Variants in SNX2 observed in about 807,000 individuals in gnomAD.
The protein encoded by SNX2 is sorting nexin-2.
Under a neutral mutation model 69.9 loss-of-function variants are expected in SNX2, and 25 were observed. The observed-to-expected ratio is 0.36, with a 90% CI of 0.26 to 0.50. The LOEUF is 0.50. Among genes scored for constraint, SNX2 ranks in the 20% least tolerant of loss-of-function variants. The pLI, the probability that SNX2 is intolerant of heterozygous loss-of-function variation, is 0.97. For missense variants in SNX2, 551 were observed against 613.3 expected (o/e 0.90, Z 1.07); for synonymous variants, 229 against 200.4 (o/e 1.14, Z -1.20).
At chr5:122,790,910 G>A (rs1753218489) in intron 1 of SNX2, among the ~76,000 whole-genome samples, 1 of 152,104 alleles carries the variant, frequency 6.6e-6, no homozygotes, top group Non-Finnish European at 1.5e-5. Flanking sequence ...GAAAAGAAGT[G>A]GTAAAAGGGG....
intron 7 of SNX2, among the ~76,000 whole-genome samples, chr5:122,812,717 T>C (rs1753808040): frequency 6.6e-6 from 1 of 152,238 alleles, no homozygotes; most frequent in East Asian, 1.9e-4. Context: ...GAAAGAATCT[T>C]AGTCCCTTTT....
intron 6 of SNX2, 91 bp downstream of exon 6, chr5:122,803,704 G>A (rs1753565590): frequency 1.0e-6 from 1 of 962,832 alleles, no homozygotes; most frequent in Non-Finnish European, 1.5e-6. Flanking sequence ...GTCATTCACT[G>A]TCAACATTTT....
At chr5:122,783,386 C>T (rs1753017850) in intron 1 of SNX2, among the ~76,000 whole-genome samples, 1 of 152,050 alleles carries the variant, frequency 6.6e-6, no homozygotes, top group African/African-American at 2.4e-5. Context: ...CTAACTTTAA[C>T]CCATGGTCAC....
intron 7 of SNX2, chr5:122,808,576 A>G (rs552041576): frequency 6.0e-5 from 22 of 369,590 alleles, no homozygotes; most frequent in African/African-American, 3.9e-4. Flanking sequence ...TCAATAGTCT[A>G]ACAAAATAAC....
chr5:122,791,643 C>T (rs1393092904), intron 1 of SNX2, among the ~76,000 whole-genome samples: 1 of 151,784 alleles, frequency 6.6e-6, no homozygotes, highest in Admixed American at 6.6e-5. Context: ...TCTCGAACTC[C>T]TGACCTCAGG....
chr5:122,829,190 ATGT>A (rs903051426), intron 14 of SNX2, among the ~76,000 whole-genome samples: 15 of 135,306 alleles, frequency 1.1e-4, no homozygotes, highest in African/African-American at 4.3e-4. Flanking sequence ...TGGTTTTTTA[ATGT>A]TGTTTTTGTT....
chr5:122,831,793 A>G lies in SNX2; in HGVS notation c.*2145A>G, dbSNP rs189786301. On this transcript the variant is annotated 3_prime_UTR_variant, in exon 15 of 15. Transcript: ENST00000379516. The stretch of plus-strand genomic sequence containing the variant: ...ATTCAAGTTATTATTAAAATCTTCC[A>G]TTCAGATGTGGTACATTAGAATATT... 2.8e-3 allele frequency among the ~76,000 whole-genome samples: 419 copies of G among 152,318 alleles called. No individual in the cohort carries two copies. The highest frequency in any genetic ancestry group is 4.1e-3 in the Non-Finnish European group (278 of 68,024).
intron 7 of SNX2, among the ~76,000 whole-genome samples, chr5:122,814,016 C>T (rs992796031): frequency 2.6e-5 from 4 of 152,080 alleles, no homozygotes; most frequent in Non-Finnish European, 5.9e-5. Flanking sequence ...TCGTGATCTG[C>T]CTGCCAAAGT....
chr5:122,806,598 G>T (rs1753663545), intron 6 of SNX2, among the ~76,000 whole-genome samples: 2 of 113,920 alleles, frequency 1.8e-5, no homozygotes, highest in African/African-American at 3.4e-5. Context: ...GTTGTTTGGG[G>T]TTTTATTTAT....
intron 11 of SNX2, among the ~76,000 whole-genome samples, chr5:122,824,577 T>C (rs1157075155): frequency 6.6e-6 from 1 of 152,218 alleles, no homozygotes; most frequent in African/African-American, 2.4e-5. Context: ...GTGCTTTGAC[T>C]GCCAGTTTGC....
At chr5:122,807,075 C>T (rs755547826) in intron 6 of SNX2, among the ~76,000 whole-genome samples, 7 of 152,006 alleles carry the variant, frequency 4.6e-5, no homozygotes, top group Non-Finnish European at 1.0e-4. Context: ...TGCTTGAGCT[C>T]AGGGGTTTGA....
At position 122,832,875 on chromosome 5, in the gene SNX2, A is replaced by G. The variant is rs564206881; in HGVS notation, c.*3227A>G. 97 of 152,352 alleles carry G rather than the reference A, an allele frequency of 6.4e-4. No individual in the cohort carries two copies. Among genetic ancestry groups the G allele is most frequent in the African/African-American group, 2.3e-3 (94 of 41,594 alleles). The allele number at this position is 152,352 out of a possible 1,614,324, so 9.4% of individuals were successfully genotyped here. ...AACAAGAGTCAGGGAGATAGCAGAT[A>G]TTCCATAATAGTGACTGCAGATAGG... On this transcript the variant is annotated 3_prime_UTR_variant, in exon 15 of 15. Coordinates refer to ENST00000379516, the MANE Select transcript of SNX2 (RefSeq NM_003100.4).
At chr5:122,804,289 C>G (rs1753583480) in intron 6 of SNX2, among the ~76,000 whole-genome samples, 1 of 151,798 alleles carries the variant, frequency 6.6e-6, no homozygotes. Context: ...CCTCACTAGC[C>G]TTGGCTCATA....
At chr5:122,789,463 A>ACG (rs1554061816) in intron 1 of SNX2, among the ~76,000 whole-genome samples, 4 of 54,638 alleles carry the variant, frequency 7.3e-5, no homozygotes, top group South Asian at 4.5e-4. Flanking sequence ...ACACACACAC[A>ACG]GACACACACG....
intron 10 of SNX2, 142 bp downstream of exon 10, chr5:122,817,515 T>G (rs1753924767): frequency 1.7e-6 from 1 of 573,222 alleles, no homozygotes; most frequent in Admixed American, 3.8e-5. Flanking sequence ...TAGTTCAACT[T>G]TATTATGTAA....
intron 7 of SNX2, chr5:122,808,851 A>G (rs1753707949): frequency 6.6e-6 from 1 of 152,224 alleles, no homozygotes; most frequent in South Asian, 2.1e-4. Flanking sequence ...ATTATAGTTC[A>G]TCTAAATTAA....
chr5:122,818,869 A>G lies in SNX2; in HGVS notation c.1058A>G (p.Asn353Ser). 1 of 1,614,004 alleles carries G rather than the reference A, an allele frequency of 6.2e-7. No homozygotes were observed. Among genetic ancestry groups the G allele is most frequent in the South Asian group, 1.1e-5 (1 of 91,064 alleles). The change falls in exon 11 of 15, where the codon AAT becomes AGT. Residue 353 changes from asparagine to serine, a missense_variant. Physicochemically the swap from Asn to Ser is conservative, Grantham distance 46 (BLOSUM62 1). Around this residue, in one of 2 missense-constraint regions of SNX2, gnomAD observed 360 missense variants for 450.4 expected, o/e 0.80. Coordinates refer to ENST00000379516, the MANE Select transcript of SNX2 (RefSeq NM_003100.4). ...GCTAAAAGTGCTGCCATGTTAGGTA[A>G]TTCTGAGGATCATACTGCTTTATCT... ...AFAKSAAMLG[N>S]SEDHTALSRA...
At chr5:122,819,097 AT>A in intron 11 of SNX2, 74 bp downstream of exon 11, 1 of 1,168,846 alleles carries the variant, frequency 8.6e-7, no homozygotes. Context: ...TTAATTATGT[AT>A]TTACATGTCT....
intron 1 of SNX2, among the ~76,000 whole-genome samples, chr5:122,776,966 A>C (rs1309448079): frequency 6.6e-6 from 1 of 152,120 alleles, no homozygotes; most frequent in African/African-American, 2.4e-5. Context: ...TCATCTCAGC[A>C]CCTTATTTAA....
Sources: gnomAD v4.1 joint callset for allele counts (sites outside exome capture counted in the v4.1 genomes callset) on GRCh38, gnomAD v4.1.1 for gene constraint, gnomAD v4.1.1 regional missense constraint, MANE v1.5 for transcripts, NCBI Gene and HGNC (gene_info 2026-07-23, HGNC 2026-07-21) for gene names.